ZSWIM5: variants seen among roughly 807,000 people sequenced by gnomAD.
ZSWIM5 encodes zinc finger SWIM domain-containing protein 5.
ZSWIM5 carries 55 observed loss-of-function variants against 119.6 expected under a neutral mutation model. The observed-to-expected ratio is 0.46, with a 90% CI of 0.37 to 0.58. The LOEUF (loss-of-function observed/expected upper bound fraction) is 0.58, where lower values mean the gene tolerates loss of function less well. Ranked by LOEUF, ZSWIM5 falls within the 20% of genes least tolerant of loss-of-function variation. ZSWIM5 has a pLI of 0.00. For synonymous variants in ZSWIM5, 537 were observed against 606.9 expected, an observed-to-expected ratio of 0.88 and a Z score of 1.69; for missense variants, 1,193 against 1,512.8, an observed-to-expected ratio of 0.79 and a Z score of 3.51.
At chr1:45,182,724 T>C (rs1162789003) in intron 1 of ZSWIM5, among the ~76,000 whole-genome samples, 1 of 151,916 alleles carries the variant, frequency 6.6e-6, no homozygotes, top group East Asian at 1.9e-4. Context: ...ATGCACCCAA[T>C]ACAGGAGCAC....
chr1:45,172,952 C>T (rs1645955309), intron 1 of ZSWIM5, among the ~76,000 whole-genome samples: 1 of 151,976 alleles, frequency 6.6e-6, no homozygotes, highest in African/African-American at 2.4e-5. Flanking sequence ...TTGCTTAAGA[C>T]CAGGAATTCG....
intron 1 of ZSWIM5, among the ~76,000 whole-genome samples, chr1:45,179,397 C>T (rs3009969): frequency 0.33 from 50,189 of 151,762 alleles, 9,630 homozygotes; most frequent in African/African-American, 0.53. Context: ...AAACACTGGG[C>T]ATATGTGGTT....
chr1:45,130,414 C>T (rs954918300), intron 1 of ZSWIM5, among the ~76,000 whole-genome samples: 5 of 151,346 alleles, frequency 3.3e-5, no homozygotes, highest in African/African-American at 7.3e-5. Context: ...AACCAAACAA[C>T]GCAATTAGCA....
chr1:45,205,125 T>C (rs949948274), intron 1 of ZSWIM5, among the ~76,000 whole-genome samples: 11 of 136,830 alleles, frequency 8.0e-5, no homozygotes, highest in African/African-American at 2.8e-4. Context: ...ATTGTATGGC[T>C]TTTTTTTTTT....
At chr1:45,069,859 T>G (rs1489206288) in intron 2 of ZSWIM5, 1 of 388,982 alleles carries the variant, frequency 2.6e-6, no homozygotes, top group East Asian at 4.6e-5. Flanking sequence ...CAGTACATAT[T>G]TCTTTTACTG....
chr1:45,117,516 T>C (rs1383603488), intron 1 of ZSWIM5, among the ~76,000 whole-genome samples: 1 of 151,902 alleles, frequency 6.6e-6, no homozygotes, highest in Non-Finnish European at 1.5e-5. Context: ...CTACTAAAAA[T>C]AAAAAAATTA....
intron 11 of ZSWIM5, among the ~76,000 whole-genome samples, chr1:45,026,698 T>TA (rs1361603957): frequency 1.3e-5 from 2 of 152,232 alleles, no homozygotes; most frequent in Non-Finnish European, 2.9e-5. Context: ...GTAATGTCTT[T>TA]ATCTAGTTTT....
intron 1 of ZSWIM5, among the ~76,000 whole-genome samples, chr1:45,095,272 C>T (rs923095706): frequency 6.6e-6 from 1 of 152,002 alleles, no homozygotes; most frequent in Non-Finnish European, 1.5e-5. Context: ...GAACTACAGG[C>T]ATGTGCTACC....
chr1:45,164,913 A>G (rs1389836342), intron 1 of ZSWIM5, among the ~76,000 whole-genome samples: 5 of 152,176 alleles, frequency 3.3e-5, no homozygotes, highest in African/African-American at 1.2e-4. Context: ...TCAACGAGAC[A>G]GAAAGTTAAC....
intron 2 of ZSWIM5, among the ~76,000 whole-genome samples, chr1:45,073,879 T>C (rs1002572260): frequency 2.6e-5 from 4 of 151,948 alleles, no homozygotes; most frequent in Non-Finnish European, 4.4e-5. Context: ...CTGCCATATA[T>C]GTCTTTTATT....
chr1:45,201,948 G>A (rs1207635615), intron 1 of ZSWIM5, among the ~76,000 whole-genome samples: 2 of 151,652 alleles, frequency 1.3e-5, no homozygotes, highest in Admixed American at 6.6e-5. Context: ...CATTCTTAAC[G>A]TTCAGTCATT....
chr1:45,103,149 T>C (rs972635867), intron 1 of ZSWIM5, among the ~76,000 whole-genome samples: 4 of 152,216 alleles, frequency 2.6e-5, no homozygotes, highest in Non-Finnish European at 5.9e-5. Context: ...ATTGAAGGTG[T>C]GAGCTGAGCC....
At chr1:45,175,264 T>A (rs1176111425) in intron 1 of ZSWIM5, among the ~76,000 whole-genome samples, 1 of 152,116 alleles carries the variant, frequency 6.6e-6, no homozygotes, top group Non-Finnish European at 1.5e-5. Context: ...TTGTTTCCTA[T>A]CAAATGGCAC....
chr1:45,118,300 A>T (rs892835076), intron 1 of ZSWIM5, among the ~76,000 whole-genome samples: 3 of 152,242 alleles, frequency 2.0e-5, no homozygotes, highest in African/African-American at 7.2e-5. Flanking sequence ...GCAAAGTGAG[A>T]AAGTATTTAA....
At chr1:45,092,267 G>A (rs1051487862) in intron 1 of ZSWIM5, among the ~76,000 whole-genome samples, 14 of 152,024 alleles carry the variant, frequency 9.2e-5, no homozygotes, top group African/African-American at 3.4e-4. Flanking sequence ...TTTGATAGTA[G>A]GTGTGATGGT....
At chr1:45,187,436 A>T (rs1384671002) in intron 1 of ZSWIM5, among the ~76,000 whole-genome samples, 2 of 152,198 alleles carry the variant, frequency 1.3e-5, no homozygotes, top group Non-Finnish European at 2.9e-5. Context: ...CACAAAAGTC[A>T]ACTCAAAATG....
chr1:45,138,056 A>G (rs898050216), intron 1 of ZSWIM5, among the ~76,000 whole-genome samples: 1 of 152,170 alleles, frequency 6.6e-6, no homozygotes, highest in Non-Finnish European at 1.5e-5. Flanking sequence ...TCTCATTTCT[A>G]TGAAACTGCC....
chr1:45,094,030 T>C (rs1645383578), intron 1 of ZSWIM5, among the ~76,000 whole-genome samples: 1 of 128,796 alleles, frequency 7.8e-6, no homozygotes, highest in Non-Finnish European at 1.6e-5. Context: ...TTTATATTTA[T>C]TTATTTATTT....
chr1:45,122,702 C>CA (rs1429449620), intron 1 of ZSWIM5, among the ~76,000 whole-genome samples: 2 of 152,040 alleles, frequency 1.3e-5, no homozygotes, highest in African/African-American at 4.8e-5. Flanking sequence ...CAGAAAAACA[C>CA]AAAAAATCCA....
Sources: gnomAD v4.1 joint callset for allele counts (sites outside exome capture counted in the v4.1 genomes callset) on GRCh38, gnomAD v4.1.1 for gene constraint, MANE v1.5 for transcripts, NCBI Gene and HGNC (gene_info 2026-07-23, HGNC 2026-07-21) for gene names.